Variants in KCND3 observed in about 807,000 individuals in gnomAD.
KCND3 encodes A-type voltage-gated potassium channel KCND3.
In KCND3, 9 loss-of-function variants were observed where a neutral mutation model predicts 51.1. The ratio of observed to expected loss-of-function variants is 0.18; its 90% CI spans 0.11 to 0.31. The LOEUF (loss-of-function observed/expected upper bound fraction) is 0.31. Ranked by LOEUF, KCND3 falls within the 10% of genes least tolerant of loss-of-function variation. The probability of loss-of-function intolerance (pLI) is 1.00; values close to 1 mark genes in which losing one functional copy is unlikely to be tolerated. For synonymous variants in KCND3, 349 were observed against 368.0 expected (o/e 0.95, Z 0.59); for missense variants, 526 against 903.8 (o/e 0.58, Z 5.36).
chr1:111,976,104 T>C (rs978076924), intron 2 of KCND3, among the ~76,000 whole-genome samples: 9 of 152,228 alleles, frequency 5.9e-5, no homozygotes, highest in Non-Finnish European at 1.3e-4. Flanking sequence ...CTCCACAAGA[T>C]CAGAGACTAT....
chr1:111,949,633 G>C (rs1672956677), intron 2 of KCND3, among the ~76,000 whole-genome samples: 1 of 152,072 alleles, frequency 6.6e-6, no homozygotes. Flanking sequence ...TTGTTTCATT[G>C]CATTTCTCTC....
Position 111,780,594 on chromosome 1 carries a change from A to C in KCND3, c.1371+96T>G. 9.0e-7 allele frequency: 1 copy of C among 1,115,562 alleles called. No homozygotes were observed. Among genetic ancestry groups the C allele is most frequent in the South Asian group, 1.3e-5 (1 of 75,024 alleles). 69.1% of individuals were successfully genotyped at this position (1,115,562 alleles called of 1,614,324 possible). ...GAAACGTGTCCTCCTTGGGGTTCATACTGGGGCTCTGGTGAGAGTGCTGGT... is the reference window on the plus strand; with the variant it reads ...GAAACGTGTCCTCCTTGGGGTTCATCCTGGGGCTCTGGTGAGAGTGCTGGT... On this transcript the variant is annotated intron_variant, in intron 4 of 7. Transcript: ENST00000302127. The surrounding 1 kb of genome is among the most constrained non-coding windows in gnomAD (Gnocchi z 4.2).
chr1:111,895,700 G>T (rs1219287750), intron 2 of KCND3, among the ~76,000 whole-genome samples: 1 of 152,216 alleles, frequency 6.6e-6, no homozygotes, highest in Non-Finnish European at 1.5e-5. Flanking sequence ...ATGCGCTAGC[G>T]CGCCTGCCGT....
chr1:111,905,944 T>G (rs148984406), intron 2 of KCND3, among the ~76,000 whole-genome samples: 214 of 152,338 alleles, frequency 1.4e-3, no homozygotes, highest in African/African-American at 5.0e-3. Flanking sequence ...GGACCCTGCA[T>G]CTCTGTGAGA....
At chr1:111,865,099 A>G (rs1363686578) in intron 2 of KCND3, among the ~76,000 whole-genome samples, 1 of 152,174 alleles carries the variant, frequency 6.6e-6, no homozygotes, top group Non-Finnish European at 1.5e-5. Context: ...CTAAGGCCCC[A>G]CTATCAGGTA....
intron 2 of KCND3, among the ~76,000 whole-genome samples, chr1:111,882,639 C>T (rs189695043): frequency 5.2e-4 from 78 of 151,404 alleles, no homozygotes; most frequent in Admixed American, 1.9e-3. Context: ...GTGCAGGGGG[C>T]GAGGGTGTGG....
In KCND3 at chr1:111,773,003, A is replaced by G. The variant is rs1663979835; in HGVS notation, c.*3074T>C. ...TCTTACAGTACCCTTTAGCAGTGTCATCTGGCTGTGTTCTGTAGTGTAGAT... is the reference window on the plus strand; with the variant it reads ...TCTTACAGTACCCTTTAGCAGTGTCGTCTGGCTGTGTTCTGTAGTGTAGAT... On this transcript the variant is annotated 3_prime_UTR_variant, in exon 8 of 8. Coordinates refer to ENST00000302127, the MANE Select transcript of KCND3 (RefSeq NM_001378969.1). 6.6e-6 allele frequency: 1 copy of G among 152,226 alleles called. No individual in the cohort carries two copies. The highest frequency in any genetic ancestry group is 6.5e-5 in the Admixed American group (1 of 15,288). 9.4% of individuals were successfully genotyped at this position (152,226 alleles called of 1,614,324 possible). A position where few individuals can be genotyped will look rare whatever the true frequency, so the allele number is the denominator to read the frequency against.
intron 2 of KCND3, among the ~76,000 whole-genome samples, chr1:111,810,977 T>G (rs1480954318): frequency 6.6e-6 from 1 of 152,202 alleles, no homozygotes; most frequent in Admixed American, 6.5e-5. Flanking sequence ...AGCCTCTGCC[T>G]GTCACCCCTC....
At chr1:111,894,882 AAGG>A (rs897436957) in intron 2 of KCND3, among the ~76,000 whole-genome samples, 1 of 151,956 alleles carries the variant, frequency 6.6e-6, no homozygotes, top group Admixed American at 6.6e-5. Context: ...GCAGCAGCAG[AAGG>A]AGGAGGAGGA....
At chr1:111,886,654 A>G (rs1379350185) in intron 2 of KCND3, among the ~76,000 whole-genome samples, 1 of 152,254 alleles carries the variant, frequency 6.6e-6, no homozygotes, top group African/African-American at 2.4e-5. Context: ...GAGCACTTAC[A>G]AAGCATCAGG....
intron 2 of KCND3, among the ~76,000 whole-genome samples, chr1:111,814,812 G>A (rs968138162): frequency 2.0e-5 from 3 of 152,186 alleles, no homozygotes; most frequent in African/African-American, 7.2e-5. Context: ...CATCCCGACG[G>A]CTATCTCCAC....
chr1:111,896,861 T>C (rs1670136473), intron 2 of KCND3, among the ~76,000 whole-genome samples: 1 of 152,214 alleles, frequency 6.6e-6, no homozygotes, highest in Non-Finnish European at 1.5e-5. Flanking sequence ...TGTGCCTCAG[T>C]TCCACCATCA....
chr1:111,925,018 T>C (rs936081618), intron 2 of KCND3, among the ~76,000 whole-genome samples: 3 of 152,204 alleles, frequency 2.0e-5, no homozygotes, highest in Admixed American at 6.5e-5. Flanking sequence ...ATCCAGGGAC[T>C]AGCACTAAAA....
At chr1:111,968,038 T>G (rs1374197540) in intron 2 of KCND3, among the ~76,000 whole-genome samples, 7 of 152,168 alleles carry the variant, frequency 4.6e-5, no homozygotes, top group Non-Finnish European at 7.4e-5. Context: ...GCTCCTCGGA[T>G]GAGAAGCTGA....
intron 2 of KCND3, among the ~76,000 whole-genome samples, chr1:111,947,405 G>A (rs962538051): frequency 6.6e-6 from 1 of 152,200 alleles, no homozygotes; most frequent in Admixed American, 6.5e-5. Context: ...CATTTCCACA[G>A]CACTTTAAAA....
chr1:111,798,239 C>T (rs1247547037), intron 2 of KCND3, among the ~76,000 whole-genome samples: 1 of 152,150 alleles, frequency 6.6e-6, no homozygotes, highest in African/African-American at 2.4e-5. Flanking sequence ...ATGCACTGGG[C>T]TCCTCCATGA....
intron 2 of KCND3, among the ~76,000 whole-genome samples, chr1:111,848,298 T>C (rs1667655608): frequency 6.6e-6 from 1 of 152,028 alleles, no homozygotes; most frequent in African/African-American, 2.4e-5. Context: ...CTCTATAGAG[T>C]GCTGAGTTCC....
intron 2 of KCND3, among the ~76,000 whole-genome samples, chr1:111,803,891 T>G (rs1452623575): frequency 6.6e-6 from 1 of 152,238 alleles, no homozygotes; most frequent in Non-Finnish European, 1.5e-5. Context: ...TTTGCGCATG[T>G]GACAAACAGT....
intron 2 of KCND3, among the ~76,000 whole-genome samples, chr1:111,978,876 T>C (rs1026520465): frequency 5.9e-5 from 9 of 152,340 alleles, no homozygotes; most frequent in Admixed American, 2.0e-4. Context: ...GTGCTTGCTA[T>C]GTATAATCAA....
Sources: gnomAD v4.1 joint callset for allele counts (sites outside exome capture counted in the v4.1 genomes callset) on GRCh38, gnomAD v4.1.1 for gene constraint, Gnocchi (gnomAD v3.1) non-coding constraint, MANE v1.5 for transcripts, NCBI Gene and HGNC (gene_info 2026-07-23, HGNC 2026-07-21) for gene names.